Variants in TMEM117 observed in about 807,000 individuals in gnomAD.
TMEM117 encodes the protein transmembrane protein 117.
In TMEM117, 27 loss-of-function variants were observed where a neutral mutation model predicts 52.4. The observed-to-expected ratio is 0.51, with a 90% CI of 0.38 to 0.71. The LOEUF (loss-of-function observed/expected upper bound fraction) is 0.71. Among genes scored for constraint, TMEM117 ranks in the 30% least tolerant of loss-of-function variants. TMEM117 has a pLI of 0.00. For synonymous variants in TMEM117, 215 were observed against 206.3 expected, an observed-to-expected ratio of 1.04 and a Z score of -0.36; for missense variants, 556 against 630.5, an observed-to-expected ratio of 0.88 and a Z score of 1.26.
At chr12:44,043,556 G>C (rs1946834361) in intron 3 of TMEM117, among the ~76,000 whole-genome samples, 1 of 152,152 alleles carries the variant, frequency 6.6e-6, no homozygotes, top group African/African-American at 2.4e-5. Context: ...GCTGCCATCA[G>C]CCTTTCCACT....
the TMEM117 span, among the ~76,000 whole-genome samples, chr12:43,814,691 A>C: frequency 6.6e-6 from 1 of 151,284 alleles, no homozygotes; most frequent in African/African-American, 2.4e-5. Context: ...ACCAGTGTAC[A>C]ATGCAGCAAC....
intron 2 of TMEM117, among the ~76,000 whole-genome samples, chr12:43,931,817 G>C (rs1944875643): frequency 6.6e-6 from 1 of 152,162 alleles, no homozygotes; most frequent in African/African-American, 2.4e-5. Context: ...TGGAATCCAA[G>C]AGATACAATA....
intron 3 of TMEM117, among the ~76,000 whole-genome samples, chr12:44,041,778 A>T (rs1301959829): frequency 6.6e-6 from 1 of 152,198 alleles, no homozygotes; most frequent in African/African-American, 2.4e-5. Flanking sequence ...CACCATGATC[A>T]AGTAGGGTTT....
At chr12:44,029,837 A>G (rs1211341741) in intron 3 of TMEM117, among the ~76,000 whole-genome samples, 2 of 152,194 alleles carry the variant, frequency 1.3e-5, no homozygotes, top group Non-Finnish European at 2.9e-5. Context: ...CTGGTCAGTT[A>G]AAAACTTTGC....
chr12:44,118,147 A>G (rs972938610), intron 3 of TMEM117, among the ~76,000 whole-genome samples: 1 of 152,144 alleles, frequency 6.6e-6, no homozygotes, highest in African/African-American at 2.4e-5. Flanking sequence ...CTTTTTATAG[A>G]TTAATGAAAT....
At chr12:43,944,173 C>A in intron 2 of TMEM117, 37 bp from the exon 3 acceptor site, 2 of 1,560,330 alleles carry the variant, frequency 1.3e-6, no homozygotes, top group Non-Finnish European at 1.8e-6. Flanking sequence ...TTTTGAGTTA[C>A]AGTGTACATT....
chr12:44,071,077 T>C (rs1354739935), intron 3 of TMEM117, among the ~76,000 whole-genome samples: 1 of 152,198 alleles, frequency 6.6e-6, no homozygotes, highest in Non-Finnish European at 1.5e-5. Context: ...GAAAGTATAT[T>C]TCATTAGTTT....
At chr12:44,312,833 T>G (rs558573771) in intron 6 of TMEM117, among the ~76,000 whole-genome samples, 1 of 152,324 alleles carries the variant, frequency 6.6e-6, no homozygotes, top group South Asian at 2.1e-4. Flanking sequence ...CATTGTGGTT[T>G]TGATTTGCAT....
intron 5 of TMEM117, among the ~76,000 whole-genome samples, chr12:44,274,086 A>G (rs950379596): frequency 6.6e-6 from 1 of 152,162 alleles, no homozygotes; most frequent in African/African-American, 2.4e-5. Flanking sequence ...CAAAAAAACT[A>G]TTAGAAATGA....
the TMEM117 span, among the ~76,000 whole-genome samples, chr12:43,815,390 T>G: frequency 6.6e-6 from 1 of 152,212 alleles, no homozygotes; most frequent in East Asian, 1.9e-4. Context: ...AGTTTCTGTT[T>G]GCCTCTCACC....
the TMEM117 span, chr12:43,799,419 T>C: frequency 6.2e-7 from 1 of 1,608,822 alleles, no homozygotes; most frequent in Non-Finnish European, 8.5e-7. Context: ...TAATCTGTCG[T>C]AGTTCTTCCT....
chr12:44,356,340 GT>G (rs1443564331), intron 6 of TMEM117, among the ~76,000 whole-genome samples: 1 of 152,046 alleles, frequency 6.6e-6, no homozygotes, highest in Non-Finnish European at 1.5e-5. Flanking sequence ...CATCCATTTT[GT>G]TTATATTGCT....
At chr12:43,836,369 T>G (rs1011034355) in intron 1 of TMEM117, among the ~76,000 whole-genome samples, 173 bp downstream of exon 1, 4 of 152,228 alleles carry the variant, frequency 2.6e-5, no homozygotes, top group African/African-American at 9.6e-5. Flanking sequence ...GCGCCTCTGC[T>G]CCTGCCTTCC....
At chr12:43,976,079 CT>C (rs1945665960) in intron 3 of TMEM117, among the ~76,000 whole-genome samples, 1 of 152,124 alleles carries the variant, frequency 6.6e-6, no homozygotes, top group African/African-American at 2.4e-5. Context: ...TGAGAGACAA[CT>C]TTAAATTCTA....
At chr12:43,839,738 C>A (rs1943088502) in intron 1 of TMEM117, among the ~76,000 whole-genome samples, 1 of 152,210 alleles carries the variant, frequency 6.6e-6, no homozygotes, top group Non-Finnish European at 1.5e-5. Flanking sequence ...CTGGTAGTTA[C>A]CCTAGCACAT....
chr12:44,251,564 T>A lies in TMEM117; in HGVS notation c.608+40177T>A, dbSNP rs1397686384. On this transcript the variant is annotated intron_variant, in intron 5 of 7. Transcript: ENST00000266534. ...ACTGCCCTACGTCACTAAGGACACA[T>A]TTTACAGCTCATTACTTTATATGTA... 2.0e-5 allele frequency among the ~76,000 whole-genome samples: 3 copies of A among 152,184 alleles called. No individual in the cohort carries two copies. The East Asian group carries it at 5.8e-4, about 29-fold the overall frequency.
At chr12:43,796,882 T>C in the TMEM117 span, 55 of 1,325,072 alleles carry the variant, frequency 4.2e-5, no homozygotes, top group Non-Finnish European at 5.7e-5. Context: ...GAAAAATAAA[T>C]ATTTTCATTT....
intron 3 of TMEM117, among the ~76,000 whole-genome samples, chr12:44,137,096 C>CAAAAAATAAAAAA (rs1948501425): frequency 1.0e-5 from 1 of 98,440 alleles, no homozygotes. Flanking sequence ...TTTCATTTGC[C>CAAAAAATAAAAAA]AAAAAAAAAA....
chr12:44,253,293 GAC>G (rs1950217537), intron 5 of TMEM117, among the ~76,000 whole-genome samples: 1 of 152,154 alleles, frequency 6.6e-6, no homozygotes, highest in African/African-American at 2.4e-5. Flanking sequence ...AGAATCAAGA[GAC>G]AGGATAAATA....
Sources: gnomAD v4.1 joint callset for allele counts (sites outside exome capture counted in the v4.1 genomes callset) on GRCh38, gnomAD v4.1.1 for gene constraint, MANE v1.5 for transcripts, NCBI Gene and HGNC (gene_info 2026-07-23, HGNC 2026-07-21) for gene names.